The following NRG3 variants were observed in gnomAD, a reference collection of about 807,000 sequenced individuals.
NRG3 encodes the protein neuregulin 3.
A neutral mutation model predicts 66.9 loss-of-function variants in NRG3; 31 were observed. That is an observed-to-expected ratio of 0.46 (90% CI 0.35 to 0.63). The LOEUF is 0.63. Among genes scored for constraint, NRG3 ranks in the 20% least tolerant of loss-of-function variants. NRG3 has a pLI of 0.00. For missense variants in NRG3, 910 were observed against 878.9 expected, an observed-to-expected ratio of 1.04 and a Z score of -0.45; for synonymous variants, 393 against 359.4, an observed-to-expected ratio of 1.09 and a Z score of -1.06.
chr10:82,130,249 G>A (rs900548063), intron 1 of NRG3, among the ~76,000 whole-genome samples: 7 of 151,108 alleles, frequency 4.6e-5, no homozygotes, highest in Admixed American at 4.6e-4. Flanking sequence ...TATACTTTAA[G>A]TTCTAGGGTA....
chr10:82,289,497 A>T (rs1470017278), intron 1 of NRG3, among the ~76,000 whole-genome samples: 1 of 152,236 alleles, frequency 6.6e-6, no homozygotes, highest in Non-Finnish European at 1.5e-5. Flanking sequence ...ATAATAGTAG[A>T]TTAGATTGAA....
intron 7 of NRG3, among the ~76,000 whole-genome samples, chr10:82,977,781 C>G (rs1852439940): frequency 6.6e-6 from 1 of 152,056 alleles, no homozygotes; most frequent in Admixed American, 6.6e-5. Flanking sequence ...GATTTTCAAA[C>G]TCTAACCTTA....
At chr10:81,999,103 G>A (rs557569135) in intron 1 of NRG3, among the ~76,000 whole-genome samples, 6 of 152,260 alleles carry the variant, frequency 3.9e-5, no homozygotes, top group South Asian at 2.1e-4. Context: ...GTGCCTGGGC[G>A]GCAAAGTGTT....
chr10:82,070,449 C>A (rs1431713814), intron 1 of NRG3, among the ~76,000 whole-genome samples: 1 of 152,034 alleles, frequency 6.6e-6, no homozygotes, highest in East Asian at 1.9e-4. Context: ...TTTTATCTTT[C>A]CTTGAGGTGG....
intron 1 of NRG3, among the ~76,000 whole-genome samples, chr10:81,956,661 T>G (rs915562471): frequency 6.6e-5 from 10 of 152,160 alleles, no homozygotes; most frequent in African/African-American, 2.4e-4. Flanking sequence ...TTACTATAGA[T>G]GACTCCTAAC....
chr10:81,888,330 CTT>C (rs1348664178), intron 1 of NRG3, among the ~76,000 whole-genome samples: 2 of 152,124 alleles, frequency 1.3e-5, no homozygotes, highest in African/African-American at 4.8e-5. Context: ...CATTGCGACA[CTT>C]TTCACATATC....
intron 3 of NRG3, among the ~76,000 whole-genome samples, chr10:82,741,578 G>A (rs2058425590): frequency 6.6e-6 from 1 of 152,144 alleles, no homozygotes; most frequent in Admixed American, 6.5e-5. Context: ...GCTTTACATG[G>A]ATTATTTTAT....
At chr10:82,889,742 G>T (rs948491774) in intron 4 of NRG3, among the ~76,000 whole-genome samples, 3 of 152,168 alleles carry the variant, frequency 2.0e-5, no homozygotes, top group Non-Finnish European at 2.9e-5. Flanking sequence ...ATTCCCATTC[G>T]TTGCCTTTCC....
At chr10:82,497,545 C>G (rs1843731654) in intron 2 of NRG3, among the ~76,000 whole-genome samples, 1 of 151,916 alleles carries the variant, frequency 6.6e-6, no homozygotes, top group Non-Finnish European at 1.5e-5. Context: ...ATGGCAGAAT[C>G]TTCTTCTTTT....
rs541549864 is a variant in NRG3 at position 82,715,192 on chromosome 10, C to A, written c.954-23385C>A. Among the ~76,000 whole-genome samples the A allele has an allele frequency of 1.4e-4, 22 of 152,120 alleles. 1 individual carries two copies. The South Asian group carries it at 2.7e-3, about 19-fold the overall frequency. ...GGTGGATCGCTTGAGGCCAGGAGTTCGAGACCAGCCTGAGCAACATGGCAA... is the reference window on the plus strand; with the variant it reads ...GGTGGATCGCTTGAGGCCAGGAGTTAGAGACCAGCCTGAGCAACATGGCAA... On this transcript the variant is annotated intron_variant, in intron 2 of 8. Transcript: ENST00000372141.
At chr10:82,743,203 A>G (rs1264948740) in intron 3 of NRG3, among the ~76,000 whole-genome samples, 1 of 152,130 alleles carries the variant, frequency 6.6e-6, no homozygotes, top group African/African-American at 2.4e-5. Context: ...CAAGCAGTGT[A>G]TACAGCTTAA....
At chr10:82,651,776 G>C (rs185294970) in intron 2 of NRG3, among the ~76,000 whole-genome samples, 1 of 152,038 alleles carries the variant, frequency 6.6e-6, no homozygotes, top group Non-Finnish European at 1.5e-5. Context: ...TGGCCTCATA[G>C]ATATATGAGG....
intron 1 of NRG3, among the ~76,000 whole-genome samples, chr10:81,894,477 A>G (rs544746168): frequency 3.2e-4 from 48 of 152,248 alleles, no homozygotes; most frequent in Non-Finnish European, 6.2e-4. Context: ...TTATCACTGT[A>G]TCCTCACATG....
At chr10:82,707,018 A>ATATATATATATATATAT (rs2056344007) in intron 2 of NRG3, among the ~76,000 whole-genome samples, 1 of 141,330 alleles carries the variant, frequency 7.1e-6, no homozygotes, top group African/African-American at 2.7e-5. Flanking sequence ...AAATAAAATA[A>ATATATATATATATATAT]ATATATATAT....
chr10:82,116,351 G>T (rs757915529), intron 1 of NRG3, among the ~76,000 whole-genome samples: 1 of 152,068 alleles, frequency 6.6e-6, no homozygotes, highest in African/African-American at 2.4e-5. Context: ...CTTAAACAGC[G>T]CTCTGGTTTC....
intron 1 of NRG3, among the ~76,000 whole-genome samples, chr10:82,017,390 A>C (rs1317856392): frequency 6.6e-6 from 1 of 152,214 alleles, no homozygotes; most frequent in African/African-American, 2.4e-5. Flanking sequence ...GTAGTGCCGC[A>C]ATAAACATAC....
chr10:82,856,569 A>T (rs1251729185), intron 3 of NRG3, among the ~76,000 whole-genome samples: 1 of 151,546 alleles, frequency 6.6e-6, no homozygotes, highest in Non-Finnish European at 1.5e-5. Context: ...ACATGGGAAA[A>T]CCCTGTCTCT....
chr10:81,933,122 A>G (rs1054653124), intron 1 of NRG3, among the ~76,000 whole-genome samples: 13 of 151,686 alleles, frequency 8.6e-5, no homozygotes, highest in African/African-American at 2.7e-4. Context: ...AAAAAAAAAA[A>G]AAAGAAAAGA....
intron 2 of NRG3, among the ~76,000 whole-genome samples, chr10:82,636,284 G>C (rs2050194203): frequency 6.6e-6 from 1 of 151,658 alleles, no homozygotes; most frequent in African/African-American, 2.4e-5. Context: ...GGCATGCGGT[G>C]TGTGTGCATT....
Sources: allele counts gnomAD v4.1 joint callset (sites outside exome capture counted in the v4.1 genomes callset), GRCh38; gene constraint gnomAD v4.1.1; transcripts MANE v1.5; gene names NCBI Gene and HGNC (gene_info 2026-07-23, HGNC 2026-07-21).